GALNT9: variants seen among roughly 807,000 people sequenced by gnomAD.
GALNT9 encodes the protein GalNAc transferase 9.
A neutral mutation model predicts 63.1 loss-of-function variants in GALNT9; 47 were observed. The ratio of observed to expected loss-of-function variants is 0.75; its 90% CI spans 0.59 to 0.95. The LOEUF (loss-of-function observed/expected upper bound fraction) is 0.95, where lower values mean the gene tolerates loss of function less well. GALNT9 is among the 40% of genes least tolerant of loss of function. The pLI, the probability that GALNT9 is intolerant of heterozygous loss-of-function variation, is 0.00. For missense variants in GALNT9, 829 were observed against 874.8 expected (o/e 0.95, Z 0.66); for synonymous variants, 396 against 365.7 (o/e 1.08, Z -0.94).
Position 132,203,574 on chromosome 12 carries a change from C to G in GALNT9, c.1194G>C (p.Leu398=), listed in dbSNP as rs1876371052. The G allele has an allele frequency of 3.1e-6, 5 of 1,613,916 alleles. No homozygotes were observed. Among genetic ancestry groups the G allele is most frequent in the East Asian group, 2.2e-5 (1 of 44,864 alleles). The change falls in exon 7 of 11, where the codon CTG becomes CTC. Residue 398 remains leucine (L), a synonymous_variant. Transcript: ENST00000328957. ...CATCCATCCACACCTCGGCGGCGCG[C>G]AGGGCGTTGCGCTTGGCATAGTAGT... is the stretch of plus-strand genomic sequence containing the variant. ...DIDYYAKRNA[L]RAAEVWMDDF...
chr12:132,230,221 G>A (rs1877840648), intron 6 of GALNT9, among the ~76,000 whole-genome samples: 1 of 152,228 alleles, frequency 6.6e-6, no homozygotes, highest in South Asian at 2.1e-4. Flanking sequence ...CCCCTGCCAT[G>A]TGTGTGCGTG....
intron 1 of GALNT9, among the ~76,000 whole-genome samples, chr12:132,320,799 C>T (rs113562798): frequency 7.2e-5 from 11 of 152,244 alleles, no homozygotes; most frequent in South Asian, 2.1e-4. Context: ...GGGAGGTGGG[C>T]GGCGCCAGCG....
At chr12:132,214,572 C>G (rs991273519) in intron 6 of GALNT9, among the ~76,000 whole-genome samples, 9 of 152,232 alleles carry the variant, frequency 5.9e-5, no homozygotes, top group African/African-American at 2.2e-4. Context: ...AGGAGGATGG[C>G]CCATGCCCCA....
chr12:132,278,887 C>T (rs1555241465), intron 2 of GALNT9: 1 of 152,272 alleles, frequency 6.6e-6, no homozygotes, highest in Non-Finnish European at 1.5e-5. Flanking sequence ...CCCTGAAGGT[C>T]CCAACTCTGC....
chr12:132,226,381 A>G (rs1173108661), intron 6 of GALNT9, among the ~76,000 whole-genome samples: 3 of 150,520 alleles, frequency 2.0e-5, no homozygotes, highest in African/African-American at 4.9e-5. Context: ...CACTGTACAT[A>G]CACATCCCAC....
At position 132,282,131 on chromosome 12, in the gene GALNT9, G is replaced by T. The variant is rs1880376600; in HGVS notation, c.419+4119C>A. 6.7e-6 allele frequency among the ~76,000 whole-genome samples: 1 copy of T among 148,374 alleles called. No homozygotes were observed. Among genetic ancestry groups the T allele is most frequent in the Admixed American group, 6.7e-5 (1 of 15,020 alleles). ...CCACTACAGCAAGGCCAGGCCTGGGGGTCCCCGATCCCACAGAGGAGGAAT... is the reference window on the plus strand; with the variant it reads ...CCACTACAGCAAGGCCAGGCCTGGGTGTCCCCGATCCCACAGAGGAGGAAT... On this transcript the variant is annotated intron_variant, in intron 2 of 10. Transcript: ENST00000328957. The surrounding 1 kb of genome is among the most constrained non-coding windows in gnomAD (Gnocchi z 4.5).
intron 2 of GALNT9, 50 bp from the exon 3 acceptor site, chr12:132,262,675 C>T: frequency 1.4e-6 from 2 of 1,454,190 alleles, no homozygotes; most frequent in Non-Finnish European, 9.2e-7. Context: ...ATGAGGGACC[C>T]CGGAAGCCAT....
intron 1 of GALNT9, among the ~76,000 whole-genome samples, chr12:132,318,611 G>A (rs923084338): frequency 3.9e-5 from 6 of 152,246 alleles, no homozygotes; most frequent in African/African-American, 4.8e-5. Context: ...GTTCAGGGCC[G>A]CCCTAAACCT....
intron 2 of GALNT9, chr12:132,283,063 C>G (rs1344231726): frequency 6.6e-6 from 1 of 152,290 alleles, no homozygotes; most frequent in Non-Finnish European, 1.5e-5. Context: ...GGGCTTCACC[C>G]CCAGCTCGGG....
chr12:132,301,707 A>G (rs114996263), intron 1 of GALNT9, among the ~76,000 whole-genome samples: 1 of 152,272 alleles, frequency 6.6e-6, no homozygotes, highest in Non-Finnish European at 1.5e-5. Context: ...AGGGAGGCCA[A>G]GCCCTCCCTG....
At chr12:132,219,286 G>A (rs915233848) in intron 6 of GALNT9, among the ~76,000 whole-genome samples, 2 of 152,222 alleles carry the variant, frequency 1.3e-5, no homozygotes, top group African/African-American at 4.8e-5. Context: ...ACATTGGTCA[G>A]CACCACAGAC....
intron 2 of GALNT9, among the ~76,000 whole-genome samples, chr12:132,268,216 C>T (rs1566006495): frequency 2.0e-5 from 3 of 152,006 alleles, no homozygotes; most frequent in Non-Finnish European, 2.9e-5. Flanking sequence ...CCCATACACA[C>T]ATTCACACAC....
At chr12:132,254,518 C>T (rs777769287) in intron 5 of GALNT9, among the ~76,000 whole-genome samples, 2 of 151,998 alleles carry the variant, frequency 1.3e-5, no homozygotes, top group Non-Finnish European at 2.9e-5. Flanking sequence ...ATCCTCTATG[C>T]GAGAGGAGTG....
intron 6 of GALNT9, among the ~76,000 whole-genome samples, chr12:132,227,094 A>C (rs1282593390): frequency 2.0e-5 from 3 of 152,088 alleles, no homozygotes; most frequent in Admixed American, 1.3e-4. Context: ...TGAATTTGGC[A>C]AATTGTACAT....
intron 6 of GALNT9, among the ~76,000 whole-genome samples, chr12:132,227,163 G>T (rs1877725061): frequency 6.6e-6 from 1 of 152,178 alleles, no homozygotes; most frequent in Non-Finnish European, 1.5e-5. Flanking sequence ...AATTCAGCCT[G>T]AGGAAATGGC....
chr12:132,299,905 C>T (rs1466460476), intron 1 of GALNT9, among the ~76,000 whole-genome samples: 4 of 146,336 alleles, frequency 2.7e-5, no homozygotes, highest in Non-Finnish European at 4.5e-5. Flanking sequence ...CCACACCTAA[C>T]CCATCCCTGA....
At chr12:132,311,019 C>T (rs542844776) in intron 1 of GALNT9, among the ~76,000 whole-genome samples, 237 of 152,310 alleles carry the variant, frequency 1.6e-3, no homozygotes, top group African/African-American at 5.6e-3. Flanking sequence ...TAATTGCGGC[C>T]TCTGTGAGCC....
chr12:132,197,010 G>T lies in GALNT9; in HGVS notation c.*97C>A. 6.4e-7 allele frequency: 1 copy of T among 1,562,318 alleles called. No individual in the cohort carries two copies. The highest frequency in any genetic ancestry group is 8.7e-7 in the Non-Finnish European group (1 of 1,153,692). ...CTGTCCTGGCCGCACATAGAGCCCT[G>T]TCCTGCTGTGTCTGCCGGGCACACC... On this transcript the variant is annotated 3_prime_UTR_variant, in exon 11 of 11. Coordinates refer to ENST00000328957, the MANE Select transcript of GALNT9 (RefSeq NM_001122636.2).
At chr12:132,295,584 G>A (rs1881026376) in intron 1 of GALNT9, among the ~76,000 whole-genome samples, 1 of 152,224 alleles carries the variant, frequency 6.6e-6, no homozygotes, top group African/African-American at 2.4e-5. Flanking sequence ...CGTGAGGGTG[G>A]AGGCAGAGAC....
Sources: allele counts gnomAD v4.1 joint callset (sites outside exome capture counted in the v4.1 genomes callset), GRCh38; gene constraint gnomAD v4.1.1; non-coding constraint Gnocchi (gnomAD v3.1); transcripts MANE v1.5; gene names NCBI Gene and HGNC (gene_info 2026-07-23, HGNC 2026-07-21).